HIVEP3: variants seen among roughly 807,000 people sequenced by gnomAD.
HIVEP3 encodes the protein HIVEP zinc finger 3, also known as transcription factor HIVEP3.
In HIVEP3, 49 loss-of-function variants were observed where a neutral mutation model predicts 152.8. That is an observed-to-expected ratio of 0.32 (90% confidence interval 0.26 to 0.41). HIVEP3 has a LOEUF of 0.41. Among genes scored for constraint, HIVEP3 ranks in the 10% least tolerant of loss-of-function variants. The pLI, the probability that HIVEP3 is intolerant of heterozygous loss-of-function variation, is 1.00. For missense variants in HIVEP3, 2,790 were observed against 3,103.3 expected, an observed-to-expected ratio of 0.90 and a Z score of 2.40; for synonymous variants, 1,269 against 1,289.0, an observed-to-expected ratio of 0.98 and a Z score of 0.33.
At chr1:41,987,715 T>A (rs929804088) in intron 1 of HIVEP3, among the ~76,000 whole-genome samples, 1 of 152,214 alleles carries the variant, frequency 6.6e-6, no homozygotes, top group Non-Finnish European at 1.5e-5. Flanking sequence ...GACCCTGTAT[T>A]AGTCCATTTT....
chr1:41,631,126 G>GGTGGC (rs1645187894), intron 2 of HIVEP3, among the ~76,000 whole-genome samples: 2 of 152,230 alleles, frequency 1.3e-5, no homozygotes, highest in Non-Finnish European at 2.9e-5. Flanking sequence ...TTCAGTCAGT[G>GGTGGC]GTGGCGTGGC....
In HIVEP3 at chr1:41,583,375, C is replaced by T. The variant is rs762501138; in HGVS notation, c.1423G>A (p.Val475Met). 9.3e-6 allele frequency: 15 copies of T among 1,613,094 alleles called. No individual in the cohort carries two copies. The highest frequency in any genetic ancestry group is 1.2e-5 in the Non-Finnish European group (14 of 1,179,522). The change falls in exon 4 of 9, where the codon GTG (valine) becomes ATG (methionine). Residue 475 changes from valine to methionine, a missense_variant. Coordinates refer to ENST00000372583, the MANE Select transcript of HIVEP3 (RefSeq NM_024503.5). This position sits in a 1 kb window ranked among gnomAD's most constrained non-coding sequence, Gnocchi z 6.9. ...CTGTCGATCTCGCTGGTGTCCACCA[C>T]GGCCTCGTTGATGGTGATGAGCTTC... ...ITKLITINEA[V>M]VDTSEIDSVK...
chr1:41,981,416 C>T (rs778617595), intron 1 of HIVEP3, among the ~76,000 whole-genome samples: 23 of 152,116 alleles, frequency 1.5e-4, no homozygotes, highest in Non-Finnish European at 4.4e-5. Flanking sequence ...GAGCCGGCTC[C>T]GTCGGGGGCA....
At chr1:41,860,976 T>C (rs939181633) in intron 1 of HIVEP3, among the ~76,000 whole-genome samples, 2 of 152,198 alleles carry the variant, frequency 1.3e-5, no homozygotes, top group African/African-American at 4.8e-5. Context: ...AAGCCAGGAC[T>C]AGGTTCTTGG....
At chr1:41,708,089 C>T (rs1054007127) in intron 1 of HIVEP3, among the ~76,000 whole-genome samples, 2 of 152,192 alleles carry the variant, frequency 1.3e-5, no homozygotes, top group African/African-American at 4.8e-5. Flanking sequence ...GGTGAGTGCA[C>T]AGGGAGCCTC....
intron 3 of HIVEP3, among the ~76,000 whole-genome samples, chr1:41,604,131 T>TGCCA (rs1391428317): frequency 6.6e-6 from 1 of 152,204 alleles, no homozygotes; most frequent in Non-Finnish European, 1.5e-5. Context: ...CAAAGACTAA[T>TGCCA]GCCACACACC....
rs546272988 is a variant in HIVEP3 at position 41,711,059 on chromosome 1, G to A, written c.-800-10064C>T. Among the ~76,000 whole-genome samples the A allele has an allele frequency of 7.8e-4, 119 of 152,326 alleles. 1 individual carries two copies. The highest frequency in any genetic ancestry group is 2.7e-3 in the African/African-American group (114 of 41,570). On this transcript the variant is annotated intron_variant, in intron 1 of 8. Coordinates refer to ENST00000372583, the MANE Select transcript of HIVEP3 (RefSeq NM_024503.5). ...GTCAGCCCTTTTCTCTGGACTCTCC[G>A]CTCTGCTGCGGGCCTAGACTGCAGT...
At chr1:41,950,731 G>C (rs1392174372) in intron 1 of HIVEP3, among the ~76,000 whole-genome samples, 9 of 152,226 alleles carry the variant, frequency 5.9e-5, no homozygotes, top group Non-Finnish European at 1.0e-4. Flanking sequence ...AGGGCAAAGA[G>C]ATATGTGGGA....
At chr1:41,552,224 A>AT (rs1276205255) in intron 5 of HIVEP3, among the ~76,000 whole-genome samples, 1 of 151,702 alleles carries the variant, frequency 6.6e-6, no homozygotes, top group Non-Finnish European at 1.5e-5. Flanking sequence ...TTATTTTTTC[A>AT]TTATTACTAT....
chr1:41,779,566 G>A (rs1184578922), intron 1 of HIVEP3, among the ~76,000 whole-genome samples: 4 of 152,188 alleles, frequency 2.6e-5, no homozygotes, highest in Non-Finnish European at 4.4e-5. Context: ...CACGATTTTT[G>A]CTCATTGCAA....
At chr1:41,998,574 T>C (rs905585193) in intron 1 of HIVEP3, among the ~76,000 whole-genome samples, 1 of 152,196 alleles carries the variant, frequency 6.6e-6, no homozygotes, top group African/African-American at 2.4e-5. Context: ...ATCCTGAGAA[T>C]AAATACCTTG....
At chr1:41,670,549 G>A (rs897360987) in intron 2 of HIVEP3, among the ~76,000 whole-genome samples, 9 of 152,186 alleles carry the variant, frequency 5.9e-5, no homozygotes, top group Admixed American at 3.9e-4. Context: ...TATGTTCTAG[G>A]GGAAAGAGAC....
chr1:41,672,807 C>A (rs2124073720), intron 2 of HIVEP3, among the ~76,000 whole-genome samples: 2 of 152,300 alleles, frequency 1.3e-5, no homozygotes, highest in Admixed American at 1.3e-4. Flanking sequence ...GAGGAAGACT[C>A]AGCCAGGGAC....
At chr1:41,737,052 C>T (rs1359452755) in intron 1 of HIVEP3, among the ~76,000 whole-genome samples, 4 of 152,192 alleles carry the variant, frequency 2.6e-5, no homozygotes, top group Non-Finnish European at 2.9e-5. Context: ...GTCTTCTCCG[C>T]CCTTTCCTTT....
intron 2 of HIVEP3, among the ~76,000 whole-genome samples, chr1:41,629,289 A>G (rs956942895): frequency 1.3e-5 from 2 of 152,232 alleles, no homozygotes; most frequent in Non-Finnish European, 2.9e-5. Context: ...GAGGGGGATT[A>G]TCAAGACCTG....
intron 1 of HIVEP3, among the ~76,000 whole-genome samples, chr1:41,730,401 T>C (rs1646821309): frequency 6.6e-6 from 1 of 152,196 alleles, no homozygotes; most frequent in African/African-American, 2.4e-5. Context: ...CCGGAAGTGC[T>C]GGGCCTGCAC....
upstream of HIVEP3, among the ~76,000 whole-genome samples, chr1:41,921,876 C>G (rs376829393): frequency 9.3e-4 from 142 of 152,114 alleles, no homozygotes; most frequent in African/African-American, 3.1e-3. Context: ...GATATCAGCT[C>G]CTTTTGAAAT....
At position 41,958,931 on chromosome 1, in the gene HIVEP3, A is replaced by G. The variant is rs1212023411; in HGVS notation, n.120-40407T>C. On this transcript the variant is annotated intron_variant and non_coding_transcript_variant, in intron 1 of 3. Transcript: ENST00000489103. The stretch of plus-strand genomic sequence containing the variant: ...GCTGGACCTGTGGGAGTGGGCACCA[A>G]GTGACATGAGCTCTGTGTTGTGTGT... Among the ~76,000 whole-genome samples, 3 of 152,194 alleles carry G rather than the reference A, an allele frequency of 2.0e-5. No homozygotes were observed. The East Asian group carries it at 5.8e-4, about 29-fold the overall frequency.
At chr1:41,885,566 G>A (rs568346320) in intron 1 of HIVEP3, among the ~76,000 whole-genome samples, 1 of 152,232 alleles carries the variant, frequency 6.6e-6, no homozygotes. Flanking sequence ...CGCGGAGGCT[G>A]AGGCATGAGA....
Sources: gnomAD v4.1 joint callset for allele counts (sites outside exome capture counted in the v4.1 genomes callset) on GRCh38, gnomAD v4.1.1 for gene constraint, Gnocchi (gnomAD v3.1) non-coding constraint, MANE v1.5 for transcripts, NCBI Gene and HGNC (gene_info 2026-07-23, HGNC 2026-07-21) for gene names.